SYNRG: variants seen among roughly 807,000 people sequenced by gnomAD.
SYNRG encodes synergin gamma.
A neutral mutation model predicts 130.9 loss-of-function variants in SYNRG; 37 were observed. The ratio of observed to expected loss-of-function variants is 0.28; its 90% CI spans 0.22 to 0.37. SYNRG has a LOEUF of 0.37. Among genes scored for constraint, SYNRG ranks in the 10% least tolerant of loss-of-function variants. The pLI, the probability that SYNRG is intolerant of heterozygous loss-of-function variation, is 1.00. For missense variants in SYNRG, 1,338 were observed against 1,588.9 expected, an observed-to-expected ratio of 0.84 and a Z score of 2.68; for synonymous variants, 539 against 568.1, an observed-to-expected ratio of 0.95 and a Z score of 0.73.
chr17:37,569,610 G>A (rs1319908345), intron 10 of SYNRG, among the ~76,000 whole-genome samples: 18 of 146,014 alleles, frequency 1.2e-4, no homozygotes, highest in Non-Finnish European at 1.6e-4. Flanking sequence ...AGCCACGACC[G>A]TGCCACTGCA....
chr17:37,540,622 AC>A, intron 15 of SYNRG, 79 bp from the exon 16 acceptor site: 1 of 1,096,412 alleles, frequency 9.1e-7, no homozygotes, highest in Non-Finnish European at 1.2e-6. Flanking sequence ...CGCTACCACA[AC>A]CCTCTTCTTT....
rs1282046342 is a variant in SYNRG, at chr17:37,580,506, T to TGAGAGAGAGA, written c.590-2894_590-2893insTCTCTCTCTC. Among the ~76,000 whole-genome samples the TGAGAGAGAGA allele has an allele frequency of 1.4e-3, 164 of 114,188 alleles. 2 individuals are homozygous for TGAGAGAGAGA. Among genetic ancestry groups the TGAGAGAGAGA allele is most frequent in the East Asian group, 4.4e-3 (17 of 3,878 alleles). 74.9% of individuals were successfully genotyped at this position (114,188 alleles called of 152,430 possible). ...GTGTGTGTGTGTGTGTGTGTGTGTG[T>TGAGAGAGAGA]GTGTGAGAGAGAGAGAGAGAGAGAG... On this transcript the variant is annotated intron_variant, in intron 6 of 21. Coordinates refer to ENST00000612223, the MANE Select transcript of SYNRG (RefSeq NM_007247.6).
At chr17:37,598,483 G>C (rs1451097283) in intron 2 of SYNRG, among the ~76,000 whole-genome samples, 4 of 152,148 alleles carry the variant, frequency 2.6e-5, no homozygotes, top group Admixed American at 6.5e-5. Flanking sequence ...GATTTTAACT[G>C]ATTTTATTTT....
In SYNRG at chr17:37,539,380, T is replaced by G. The variant is rs1429750398; in HGVS notation, c.3367-135A>C. The stretch of plus-strand genomic sequence containing the variant: ...TCTAGTTCAAGCAGTTTATGTTTTT[T>G]TTGTTTTTGTTTTTGTTTTGAGATA... On this transcript the variant is annotated intron_variant, in intron 16 of 21. Transcript: ENST00000612223. 4.5e-6 allele frequency: 4 copies of G among 887,654 alleles called. No homozygotes were observed. In the African/African-American group the frequency reaches 7.1e-5, roughly 16 times the overall value. The allele number at this position is 887,654 out of a possible 1,614,324, so 55.0% of individuals were successfully genotyped here. A position where few individuals can be genotyped will look rare whatever the true frequency, so the allele number is the denominator to read the frequency against.
chr17:37,573,801 T>TA (rs1425948909), intron 8 of SYNRG, among the ~76,000 whole-genome samples: 1 of 152,210 alleles, frequency 6.6e-6, no homozygotes, highest in East Asian at 1.9e-4. Flanking sequence ...TCAATGTTGT[T>TA]AAAATGTCCA....
chr17:37,580,506 TGTGTGA>T (rs1598483644), intron 6 of SYNRG, among the ~76,000 whole-genome samples: 3 of 114,130 alleles, frequency 2.6e-5, no homozygotes, highest in South Asian at 2.6e-4. Flanking sequence ...TGTGTGTGTG[TGTGTGA>T]GAGAGAGAGA....
At position 37,553,500 on chromosome 17, in the gene SYNRG, C is replaced by T. The variant is rs762995966; in HGVS notation, c.2223G>A (p.Ala741=). 95 of 1,614,090 alleles carry T rather than the reference C, an allele frequency of 5.9e-5. No homozygotes were observed. Among genetic ancestry groups the T allele is most frequent in the Non-Finnish European group, 7.9e-5 (93 of 1,180,042 alleles). The change falls in exon 14 of 22, where the codon GCG becomes GCA. Residue 741 remains alanine, a synonymous_variant. Transcript: ENST00000612223. ...TVKGGQNSTA[A]STKYDVFRQL... is the part of the protein sequence containing the mutation. ...GTCTGAAGACATCGTACTTGGTAGA[C>T]GCAGCAGTCGAGTTTTGTCCACCCT...
intron 1 of SYNRG, among the ~76,000 whole-genome samples, chr17:37,607,530 T>A (rs2063854534): frequency 6.6e-6 from 1 of 152,326 alleles, no homozygotes; most frequent in African/African-American, 2.4e-5. Flanking sequence ...GACTCAAGCC[T>A]GTAATTCTAG....
chr17:37,542,146 T>A lies in SYNRG; in HGVS notation c.3028A>T (p.Ser1010Cys), dbSNP rs1353900420. The A allele has an allele frequency of 1.9e-6, 3 of 1,614,110 alleles. No individual in the cohort carries two copies. Among genetic ancestry groups the A allele is most frequent in the African/African-American group, 1.3e-5 (1 of 74,940 alleles). The change falls in exon 15 of 22, where the codon AGT becomes TGT. Residue 1010 changes from serine (S) to cysteine (C), a missense_variant. By Grantham distance (112) the Ser-to-Cys change is moderately radical (BLOSUM62 -1). Around this residue, in one of 3 missense-constraint regions of SYNRG, gnomAD observed 1,146 missense variants for 1,342.3 expected, o/e 0.85. Transcript: ENST00000612223. The part of the protein sequence containing the change: ...QEATCPSPAS[S>C]GASQETPNEC... ...TTCGGGGTTTCTTGAGAGGCACCAC[T>A]GGACGCTGGGCTGGGACACGTGGCC... is the stretch of plus-strand genomic sequence containing the variant.
chr17:37,527,591 T>C (rs2056095730), intron 19 of SYNRG, among the ~76,000 whole-genome samples: 2 of 151,616 alleles, frequency 1.3e-5, no homozygotes, highest in Non-Finnish European at 2.9e-5. Flanking sequence ...GAGGAAAAAA[T>C]AGAAAAAAAC....
Position 37,577,421 on chromosome 17 carries a change from G to A in SYNRG, c.782C>T (p.Ala261Val). 6.2e-7 allele frequency: 1 copy of A among 1,614,176 alleles called. No individual in the cohort carries two copies. Among genetic ancestry groups the A allele is most frequent in the Non-Finnish European group, 8.5e-7 (1 of 1,180,044 alleles). The change falls in exon 7 of 22, where the codon GCA becomes GTA. Residue 261 changes from alanine to valine, a missense_variant. Physicochemically the swap from Ala to Val is moderately conservative, Grantham distance 64. This residue lies in a region of SYNRG where 1,146 missense variants were observed against 1,342.3 expected (regional missense o/e 0.85). Coordinates refer to ENST00000612223, the MANE Select transcript of SYNRG (RefSeq NM_007247.6). ...GCVSGTTTAE[A>V]ENTSDQNLSI... ...CAGGTTTTGATCTGAAGTATTTTCT[G>A]CCTCTGCAGTGGTGGTACCACTTAC...
At position 37,540,543 on chromosome 17, in the gene SYNRG, C is replaced by T; in HGVS notation, c.3203G>A (p.Gly1068Glu). 1 of 1,613,802 alleles carries T rather than the reference C, an allele frequency of 6.2e-7. No individual in the cohort carries two copies. Among genetic ancestry groups the T allele is most frequent in the East Asian group, 2.2e-5 (1 of 44,878 alleles). ...AAGGCTCAAACTCCTCTTGTGTGATCCTGGGAGAAGGGGATAATACAGTCA... is the reference window on the plus strand; with the variant it reads ...AAGGCTCAAACTCCTCTTGTGTGATTCTGGGAGAAGGGGATAATACAGTCA... ...ELATFDLSVQ[G>E]SHKRSLSLGD... Residue 1068 changes from glycine to glutamate, a missense_variant and splice_region_variant, in exon 16 of 22, where the codon GGA becomes GAA. Transcript: ENST00000612223.
intron 20 of SYNRG, 30 bp from the exon 21 acceptor site, chr17:37,520,244 A>G: frequency 6.2e-7 from 1 of 1,614,148 alleles, no homozygotes; most frequent in African/African-American, 1.3e-5. Context: ...ACAGGTCAAC[A>G]ACATTCCCAG....
intron 19 of SYNRG, among the ~76,000 whole-genome samples, chr17:37,525,896 G>A (rs1214670836): frequency 6.6e-6 from 1 of 152,172 alleles, no homozygotes; most frequent in East Asian, 1.9e-4. Flanking sequence ...AACCCAGGAG[G>A]TGGAGGTTGA....
At chr17:37,570,558 C>T (rs1598415462) in intron 10 of SYNRG, 79 bp downstream of exon 10, 2 of 1,508,812 alleles carry the variant, frequency 1.3e-6, no homozygotes, top group African/African-American at 1.4e-5. Context: ...CAGTAACCTA[C>T]TCTATGTATC....
intron 3 of SYNRG, among the ~76,000 whole-genome samples, chr17:37,587,750 C>A (rs1438606267): frequency 1.3e-5 from 2 of 152,210 alleles, no homozygotes; most frequent in Non-Finnish European, 1.5e-5. Flanking sequence ...ACTGTGTGGT[C>A]TTCCAGGTCT....
intron 14 of SYNRG, among the ~76,000 whole-genome samples, chr17:37,542,859 A>G (rs769430837): frequency 1.3e-5 from 2 of 152,248 alleles, no homozygotes; most frequent in East Asian, 1.9e-4. Context: ...ACTGTTTGAT[A>G]TAAGATTAGG....
At chr17:37,566,443 C>A (rs574699953) in intron 11 of SYNRG, among the ~76,000 whole-genome samples, 1 of 118,554 alleles carries the variant, frequency 8.4e-6, no homozygotes, top group Non-Finnish European at 1.9e-5. Flanking sequence ...GCAGCATGCT[C>A]GTTAAGAGTC....
intron 13 of SYNRG, among the ~76,000 whole-genome samples, chr17:37,560,377 C>T (rs1312696837): frequency 5.3e-5 from 8 of 150,826 alleles, no homozygotes; most frequent in Admixed American, 5.3e-4. Flanking sequence ...GCTGTGTTGC[C>T]CAGGCTGGAG....
Sources: allele counts gnomAD v4.1 joint callset (sites outside exome capture counted in the v4.1 genomes callset), GRCh38; gene constraint gnomAD v4.1.1; regional missense constraint gnomAD v4.1.1; transcripts MANE v1.5; gene names NCBI Gene and HGNC (gene_info 2026-07-23, HGNC 2026-07-21).